The following ATG10 variants were observed in gnomAD, a reference collection of about 807,000 sequenced individuals.
ATG10 encodes the protein ubiquitin-like-conjugating enzyme ATG10.
A neutral mutation model predicts 32.1 loss-of-function variants in ATG10; 30 were observed. That is an observed-to-expected ratio of 0.94 (90% CI 0.70 to 1.27). The LOEUF (loss-of-function observed/expected upper bound fraction) is 1.27, where lower values mean the gene tolerates loss of function less well. ATG10 is among the 50% of genes most tolerant of loss of function. ATG10 has a pLI of 0.00. For missense variants in ATG10, 233 were observed against 262.3 expected (o/e 0.89, Z 0.77); for synonymous variants, 87 against 91.5 (o/e 0.95, Z 0.28).
chr5:82,157,031 A>G (rs1175511795), intron 3 of ATG10, among the ~76,000 whole-genome samples: 2 of 152,174 alleles, frequency 1.3e-5, no homozygotes. Context: ...CCAGCTGTAA[A>G]CATCCAGAAA....
intron 5 of ATG10, among the ~76,000 whole-genome samples, chr5:82,198,619 C>G (rs1744949815): frequency 6.6e-6 from 1 of 152,146 alleles, no homozygotes; most frequent in Non-Finnish European, 1.5e-5. Flanking sequence ...ACTCAGCCCC[C>G]AAAAACAGAG....
chr5:81,975,170 G>A (rs1760833623), intron 1 of ATG10, among the ~76,000 whole-genome samples: 1 of 152,130 alleles, frequency 6.6e-6, no homozygotes, highest in African/African-American at 2.4e-5. Context: ...AGTAATATAT[G>A]CAATTTTAAT....
At chr5:82,030,451 G>T (rs1487768226) in intron 2 of ATG10, among the ~76,000 whole-genome samples, 1 of 152,144 alleles carries the variant, frequency 6.6e-6, no homozygotes, top group African/African-American at 2.4e-5. Context: ...CATTGCAAAT[G>T]ATTTTATTGA....
chr5:82,235,470 C>T (rs1369455213), intron 5 of ATG10, among the ~76,000 whole-genome samples: 1 of 152,206 alleles, frequency 6.6e-6, no homozygotes, highest in Non-Finnish European at 1.5e-5. Context: ...GGATTCTTCT[C>T]TATATCTTTG....
chr5:81,982,944 T>C lies in ATG10; in HGVS notation c.-12-4615T>C, dbSNP rs551229445. The stretch of plus-strand genomic sequence containing the variant: ...ACAGAACAAAATGAAAAGTCTCCCA[T>C]GTCTACCTCTTTCTACACAGACACG... On this transcript the variant is annotated intron_variant, in intron 1 of 7. Coordinates refer to ENST00000282185, the MANE Select transcript of ATG10 (RefSeq NM_031482.5). 1.1e-3 allele frequency among the ~76,000 whole-genome samples: 175 copies of C among 152,330 alleles called. 2 individuals are homozygous for C. The highest frequency in any genetic ancestry group is 2.3e-3 in the Admixed American group (35 of 15,310).
chr5:82,208,487 A>G (rs1350373791), intron 5 of ATG10, among the ~76,000 whole-genome samples: 2 of 152,176 alleles, frequency 1.3e-5, no homozygotes, highest in African/African-American at 4.8e-5. Context: ...ATTGTTTTAT[A>G]GTATTCTACT....
chr5:82,014,021 A>T (rs1373473788), intron 2 of ATG10, among the ~76,000 whole-genome samples: 2 of 152,148 alleles, frequency 1.3e-5, no homozygotes, highest in African/African-American at 4.8e-5. Context: ...AGATTCTGGT[A>T]TGTTGTGTCT....
intron 3 of ATG10, among the ~76,000 whole-genome samples, chr5:82,156,540 T>C (rs1360110019): frequency 6.6e-6 from 1 of 152,158 alleles, no homozygotes; most frequent in African/African-American, 2.4e-5. Context: ...GCTGGAGACC[T>C]TGGGCCTTCC....
At chr5:82,193,930 C>T (rs935558059) in intron 5 of ATG10, among the ~76,000 whole-genome samples, 5 of 152,152 alleles carry the variant, frequency 3.3e-5, no homozygotes, top group African/African-American at 9.7e-5. Flanking sequence ...AGAATTAAGT[C>T]GTAACTTTAC....
rs148009763 is a variant in ATG10 at position 82,194,517 on chromosome 5, A to C, written c.453+15930A>C. Among the ~76,000 whole-genome samples, 138 of 152,258 alleles carry C rather than the reference A, an allele frequency of 9.1e-4. 1 individual carries two copies. The East Asian group carries it at 0.026, about 29-fold the overall frequency. On this transcript the variant is annotated intron_variant, in intron 5 of 7. Transcript: ENST00000282185. ...CTATATTTTAAGAGAGTTATCGGGA[A>C]TATGTAAGTCCATTTTGTTTCTTAA...
At chr5:82,056,507 C>A (rs906911253) in intron 2 of ATG10, among the ~76,000 whole-genome samples, 4 of 151,916 alleles carry the variant, frequency 2.6e-5, no homozygotes, top group African/African-American at 9.7e-5. Flanking sequence ...CCCAACCCCC[C>A]AAAACCAAAT....
intron 5 of ATG10, among the ~76,000 whole-genome samples, chr5:82,242,073 A>G (rs1437385129): frequency 2.6e-5 from 4 of 152,174 alleles, no homozygotes; most frequent in African/African-American, 9.6e-5. Context: ...CAGACCACAG[A>G]CTAGTAGCAG....
chr5:81,994,760 G>A (rs1445939343), intron 2 of ATG10, among the ~76,000 whole-genome samples: 1 of 152,142 alleles, frequency 6.6e-6, no homozygotes, highest in African/African-American at 2.4e-5. Context: ...TTCTTAGTTT[G>A]CAGAGGTGGT....
At chr5:82,139,601 C>T (rs528634648) in intron 3 of ATG10, among the ~76,000 whole-genome samples, 1 of 149,454 alleles carries the variant, frequency 6.7e-6, no homozygotes, top group Admixed American at 6.6e-5. Context: ...AGCCTCTCCG[C>T]CCGGCAGCCA....
chr5:82,082,662 T>C (rs1447645183), intron 3 of ATG10, among the ~76,000 whole-genome samples: 1 of 152,088 alleles, frequency 6.6e-6, no homozygotes. Flanking sequence ...CTGTTAGTAA[T>C]GTTTCTTTTT....
At chr5:82,195,743 A>G (rs1450667783) in intron 5 of ATG10, among the ~76,000 whole-genome samples, 1 of 152,218 alleles carries the variant, frequency 6.6e-6, no homozygotes, top group Non-Finnish European at 1.5e-5. Flanking sequence ...GTAACATTCC[A>G]TTATAATAGA....
intron 3 of ATG10, among the ~76,000 whole-genome samples, chr5:82,084,576 C>G (rs1764602418): frequency 6.6e-6 from 1 of 152,122 alleles, no homozygotes; most frequent in African/African-American, 2.4e-5. Context: ...TAAGGGCAGC[C>G]AGAGAGAAAG....
chr5:81,999,503 G>A (rs1229869022), intron 2 of ATG10, among the ~76,000 whole-genome samples: 1 of 151,984 alleles, frequency 6.6e-6, no homozygotes, highest in Non-Finnish European at 1.5e-5. Context: ...CAACCCCAAA[G>A]CTAGCAGAAG....
At chr5:82,142,092 G>C (rs1767175817) in intron 3 of ATG10, among the ~76,000 whole-genome samples, 1 of 152,206 alleles carries the variant, frequency 6.6e-6, no homozygotes, top group Non-Finnish European at 1.5e-5. Flanking sequence ...AGACACAGAT[G>C]AAGCAGTGAG....
Sources: gnomAD v4.1 joint callset for allele counts (sites outside exome capture counted in the v4.1 genomes callset) on GRCh38, gnomAD v4.1.1 for gene constraint, MANE v1.5 for transcripts, NCBI Gene and HGNC (gene_info 2026-07-23, HGNC 2026-07-21) for gene names.